Variants in MTMR12 observed in about 807,000 individuals in gnomAD.
MTMR12 encodes myotubularin-related protein 12.
Under a neutral mutation model 96.7 loss-of-function variants are expected in MTMR12, and 33 were observed. The ratio of observed to expected loss-of-function variants is 0.34; its 90% CI spans 0.26 to 0.46. The LOEUF is 0.46. MTMR12 is among the 20% of genes least tolerant of loss of function. MTMR12 has a pLI of 1.00. For missense variants in MTMR12, 721 were observed against 896.1 expected (o/e 0.80, Z 2.49); for synonymous variants, 298 against 327.2 (o/e 0.91, Z 0.96).
At chr5:32,247,564 T>C in intron 10 of MTMR12, 1 of 226,732 alleles carries the variant, frequency 4.4e-6, no homozygotes, top group Non-Finnish European at 7.3e-6. Context: ...TTTAATATTG[T>C]TAGAAACTGT....
At chr5:32,292,697 CCAGGCAGGA>C (rs1750778335) in intron 1 of MTMR12, among the ~76,000 whole-genome samples, 1 of 152,154 alleles carries the variant, frequency 6.6e-6, no homozygotes, top group Admixed American at 6.5e-5. Flanking sequence ...ACAGCCCAGT[CCAGGCAGGA>C]CTACAAATGG....
intron 2 of MTMR12, among the ~76,000 whole-genome samples, 163 bp from the exon 3 acceptor site, chr5:32,274,285 A>G (rs1404521002): frequency 6.6e-6 from 1 of 152,232 alleles, no homozygotes; most frequent in African/African-American, 2.4e-5. Flanking sequence ...CAAAAACATA[A>G]GAGAGAAGAT....
At chr5:32,260,329 C>A (rs755277617) in intron 7 of MTMR12, among the ~76,000 whole-genome samples, 1 of 151,524 alleles carries the variant, frequency 6.6e-6, no homozygotes, top group Non-Finnish European at 1.5e-5. Context: ...GCTTGGCATG[C>A]GACATGGAGA....
intron 1 of MTMR12, among the ~76,000 whole-genome samples, chr5:32,299,295 A>T (rs1751043369): frequency 1.3e-5 from 2 of 152,214 alleles, no homozygotes; most frequent in Non-Finnish European, 2.9e-5. Flanking sequence ...TTAAACACCC[A>T]GCCCAAATTC....
At chr5:32,291,071 A>G (rs1049337027) in intron 1 of MTMR12, among the ~76,000 whole-genome samples, 4 of 152,300 alleles carry the variant, frequency 2.6e-5, no homozygotes, top group Admixed American at 2.6e-4. Flanking sequence ...TACATGAGGA[A>G]GTGGCTCAAA....
chr5:32,230,093 G>A lies in MTMR12; in HGVS notation c.1929C>T (p.Tyr643=). 6.2e-7 allele frequency: 1 copy of A among 1,612,934 alleles called. No homozygotes were observed. Among genetic ancestry groups the A allele is most frequent in the Non-Finnish European group, 8.5e-7 (1 of 1,179,134 alleles). ...GPEIKVWAQR[Y]LRWIPEAQIL... is the part of the protein sequence containing the mutation. ...TTTGGGCTTCTGGAATCCAACGTAGGTAGCGCTGGGCCCAGACTTTGATTT... is the reference window on the plus strand; with the variant it reads ...TTTGGGCTTCTGGAATCCAACGTAGATAGCGCTGGGCCCAGACTTTGATTT... The change falls in exon 16 of 16, where the codon TAC becomes TAT. Residue 643 remains tyrosine, a synonymous_variant. Transcript: ENST00000382142.
chr5:32,311,393 T>C (rs1457608939), intron 1 of MTMR12, among the ~76,000 whole-genome samples: 1 of 152,174 alleles, frequency 6.6e-6, no homozygotes, highest in Non-Finnish European at 1.5e-5. Flanking sequence ...TTAAGAGCAC[T>C]TTCCCCTGGA....
intron 14 of MTMR12, 58 bp downstream of exon 14, chr5:32,234,904 C>T: frequency 6.8e-7 from 1 of 1,475,220 alleles, no homozygotes; most frequent in Non-Finnish European, 9.3e-7. Context: ...AGTATTACTG[C>T]ATCCTACTTG....
chr5:32,296,513 G>A (rs1180512870), intron 1 of MTMR12: 2 of 340,568 alleles, frequency 5.9e-6, no homozygotes, highest in Non-Finnish European at 1.2e-5. Context: ...AGGTGTAATT[G>A]GCTGGGCATG....
intron 1 of MTMR12, among the ~76,000 whole-genome samples, chr5:32,280,321 C>G (rs564018608): frequency 1.3e-5 from 2 of 152,284 alleles, no homozygotes; most frequent in East Asian, 3.9e-4. Flanking sequence ...TTAATTTTAT[C>G]CAGCCAGAGG....
intron 6 of MTMR12, among the ~76,000 whole-genome samples, chr5:32,263,935 T>G (rs1226089579): frequency 6.6e-6 from 1 of 152,218 alleles, no homozygotes; most frequent in Non-Finnish European, 1.5e-5. Flanking sequence ...GACGGCCAAC[T>G]AATTTGAATA....
At chr5:32,249,277 A>G (rs1748817969) in intron 8 of MTMR12, among the ~76,000 whole-genome samples, 1 of 152,188 alleles carries the variant, frequency 6.6e-6, no homozygotes, top group South Asian at 2.1e-4. Flanking sequence ...ATGATTATTT[A>G]TCCCCCTTAA....
intron 6 of MTMR12, among the ~76,000 whole-genome samples, chr5:32,267,135 G>GGGA (rs1749630930): frequency 1.3e-5 from 2 of 151,334 alleles, no homozygotes; most frequent in Non-Finnish European, 2.9e-5. Context: ...CCATCACTTT[G>GGGA]GGAGGCCGAG....
rs1006225179 is a variant in MTMR12 at position 32,232,989 on chromosome 5, G to A, written c.1674+784C>T. On this transcript the variant is annotated intron_variant, in intron 15 of 15. Coordinates refer to ENST00000382142, the MANE Select transcript of MTMR12 (RefSeq NM_001040446.3). ...CACTGCTCTCTCCTTTGTGGACTCT[G>A]TGGGGGAGAAATTCTGGGCCTGGAG... 1.1e-5 allele frequency: 11 copies of A among 985,252 alleles called. 1 individual carries two copies. In the Admixed American group the frequency reaches 4.9e-4, roughly 44 times the overall value. 61.0% of individuals were successfully genotyped at this position (985,252 alleles called of 1,614,324 possible).
chr5:32,238,367 G>GTTTAT (rs986166695), intron 13 of MTMR12, among the ~76,000 whole-genome samples: 10 of 152,038 alleles, frequency 6.6e-5, no homozygotes, highest in Admixed American at 6.6e-4. Context: ...ACCATGCCCA[G>GTTTAT]TTTATTTTAT....
chr5:32,233,102 C>T lies in MTMR12; in HGVS notation c.1674+671G>A. The T allele has an allele frequency of 1.2e-6, 1 of 844,150 alleles. No homozygotes were observed. The highest frequency in any genetic ancestry group is 1.4e-6 in the Non-Finnish European group (1 of 701,236). 52.3% of individuals were successfully genotyped at this position (844,150 alleles called of 1,614,324 possible). On this transcript the variant is annotated intron_variant, in intron 15 of 15. Transcript: ENST00000382142. This position sits in a 1 kb window ranked among gnomAD's most constrained non-coding sequence, Gnocchi z 5.0. Reference sequence around the variant, plus strand: ...AAATGACTTTCTGACATTTGTGGCTCATAGCATAGGTCAGCAAACTGGCCA... The same window carrying T: ...AAATGACTTTCTGACATTTGTGGCTTATAGCATAGGTCAGCAAACTGGCCA...
chr5:32,253,135 T>C (rs760048578), intron 8 of MTMR12, among the ~76,000 whole-genome samples: 15 of 152,228 alleles, frequency 9.9e-5, no homozygotes, highest in African/African-American at 1.4e-4. Context: ...ACTCACGGGA[T>C]AGGGGTGCTA....
chr5:32,247,929 C>T lies in MTMR12; in HGVS notation c.1021+73G>A, dbSNP rs1748765198. Reference sequence around the variant, plus strand: ...CGTAAGGAACCCAGGGAAAAGGCACCAACTTTCACCTGATCTGCATGGCAT... The same window carrying T: ...CGTAAGGAACCCAGGGAAAAGGCACTAACTTTCACCTGATCTGCATGGCAT... On this transcript the variant is annotated intron_variant, in intron 10 of 15. Transcript: ENST00000382142. 3.2e-6 allele frequency: 5 copies of T among 1,547,332 alleles called. No individual in the cohort carries two copies. The South Asian group carries it at 6.0e-5, about 19-fold the overall frequency.
intron 3 of MTMR12, among the ~76,000 whole-genome samples, chr5:32,272,268 G>A (rs1295638312): frequency 2.0e-5 from 3 of 152,130 alleles, no homozygotes; most frequent in South Asian, 2.1e-4. Context: ...TTCAGCCTGG[G>A]TGACAGAACG....
Sources: gnomAD v4.1 joint callset for allele counts (sites outside exome capture counted in the v4.1 genomes callset) on GRCh38, gnomAD v4.1.1 for gene constraint, Gnocchi (gnomAD v3.1) non-coding constraint, MANE v1.5 for transcripts, NCBI Gene and HGNC (gene_info 2026-07-23, HGNC 2026-07-21) for gene names.